DDA1: variants seen among roughly 807,000 people sequenced by gnomAD.
DDA1 encodes DET1 and DDB1 associated 1.
Under a neutral mutation model 18.6 loss-of-function variants are expected in DDA1, and 3 were observed. The observed-to-expected ratio is 0.16, with a 90% confidence interval of 0.07 to 0.42. DDA1 has a LOEUF of 0.42. DDA1 is among the 10% of genes least tolerant of loss of function. DDA1 has a pLI of 0.99. For missense variants in DDA1, 105 were observed against 138.2 expected, an observed-to-expected ratio of 0.76 and a Z score of 1.20; for synonymous variants, 52 against 54.0, an observed-to-expected ratio of 0.96 and a Z score of 0.17.
chr19:17,314,133 A>G lies in DDA1; in HGVS notation c.84+30A>G. On this transcript the variant is annotated intron_variant, in intron 2 of 4. Coordinates refer to ENST00000359866, the MANE Select transcript of DDA1 (RefSeq NM_024050.6). This position sits in a 1 kb window ranked among gnomAD's most constrained non-coding sequence, Gnocchi z 4.6. ...GTGCGTGTTCCTGGGACTGGGAGGAATTGGTCACTTCCAGGGGGCCTGGGG... is the reference window on the plus strand; with the variant it reads ...GTGCGTGTTCCTGGGACTGGGAGGAGTTGGTCACTTCCAGGGGGCCTGGGG... 1 of 1,611,300 alleles carries G rather than the reference A, an allele frequency of 6.2e-7. No homozygotes were observed. The highest frequency in any genetic ancestry group is 8.5e-7 in the Non-Finnish European group (1 of 1,177,708).
At chr19:17,315,428 GCA>G (rs763769994) in intron 3 of DDA1, among the ~76,000 whole-genome samples, 29,162 of 69,154 alleles carry the variant, frequency 0.42, 5,537 homozygotes, top group Non-Finnish European at 0.47. Context: ...GTGTGTGTGT[GCA>G]TATATATATA....
chr19:17,322,559 C>G lies in DDA1; in HGVS notation c.*2903C>G, dbSNP rs2145680923. 6.6e-6 allele frequency: 1 copy of G among 152,476 alleles called. No individual in the cohort carries two copies. The highest frequency in any genetic ancestry group is 2.1e-4 in the South Asian group (1 of 4,844). The allele number at this position is 152,476 out of a possible 1,614,324, so 9.4% of individuals were successfully genotyped here. A position where few individuals can be genotyped will look rare whatever the true frequency, so the allele number is the denominator to read the frequency against. Reference sequence around the variant, plus strand: ...AGCCCTGCAGCATGGCCATGTTGGTCTCTGAGCCTTAAGCCTTTGGATGTG... The same window carrying G: ...AGCCCTGCAGCATGGCCATGTTGGTGTCTGAGCCTTAAGCCTTTGGATGTG... On this transcript the variant is annotated 3_prime_UTR_variant, in exon 5 of 5. Coordinates refer to ENST00000359866, the MANE Select transcript of DDA1 (RefSeq NM_024050.6).
chr19:17,315,491 G>A (rs1358546460), intron 3 of DDA1, among the ~76,000 whole-genome samples: 2 of 143,690 alleles, frequency 1.4e-5, no homozygotes, highest in Non-Finnish European at 3.0e-5. Flanking sequence ...ATAGTCCCAG[G>A]TGGGAAAATC....
chr19:17,311,876 C>T (rs1019471990), intron 1 of DDA1, among the ~76,000 whole-genome samples: 2 of 152,180 alleles, frequency 1.3e-5, no homozygotes, highest in Admixed American at 6.5e-5. Flanking sequence ...CCAGCCGTGG[C>T]TGGCATTTGT....
chr19:17,312,246 G>A (rs745403420), intron 1 of DDA1, among the ~76,000 whole-genome samples: 30 of 152,166 alleles, frequency 2.0e-4, no homozygotes, highest in African/African-American at 6.8e-4. Context: ...GTGTGAGCCC[G>A]GCCAGGGTTC....
chr19:17,315,424 G>GCATATATATATA (rs1265232607), intron 3 of DDA1, among the ~76,000 whole-genome samples: 4 of 56,846 alleles, frequency 7.0e-5, no homozygotes, highest in African/African-American at 5.7e-4. Flanking sequence ...GTGTGTGTGT[G>GCATATATATATA]TGTGCATATA....
Position 17,321,277 on chromosome 19 carries a change from G to T in DDA1, c.*1621G>T, listed in dbSNP as rs908316144. Reference sequence around the variant, plus strand: ...CTCCTGAGTAGCTGGGATTACACGCGTGCGCCCCTACACCCAGCTAATTTT... The same window carrying T: ...CTCCTGAGTAGCTGGGATTACACGCTTGCGCCCCTACACCCAGCTAATTTT... On this transcript the variant is annotated 3_prime_UTR_variant, in exon 5 of 5. Transcript: ENST00000359866. 2 of 152,094 alleles carry T rather than the reference G, an allele frequency of 1.3e-5. No homozygotes were observed. Among genetic ancestry groups the T allele is most frequent in the Non-Finnish European group, 2.9e-5 (2 of 68,064 alleles). 9.4% of individuals were successfully genotyped at this position (152,094 alleles called of 1,614,324 possible).
At chr19:17,313,897 G>A (rs1454050168) in intron 1 of DDA1, 126 bp from the exon 2 acceptor site, 2 of 749,180 alleles carry the variant, frequency 2.7e-6, no homozygotes, top group East Asian at 2.5e-5. Context: ...GCTCAAGGGT[G>A]TGTTCTGGAA....
At position 17,314,432 on chromosome 19, in the gene DDA1, G is replaced by A. The variant is rs766570513; in HGVS notation, c.136+43G>A. The A allele has an allele frequency of 6.2e-6, 10 of 1,613,686 alleles. No homozygotes were observed. Among genetic ancestry groups the A allele is most frequent in the Non-Finnish European group, 8.5e-6 (10 of 1,179,588 alleles). On this transcript the variant is annotated intron_variant, in intron 3 of 4. Coordinates refer to ENST00000359866, the MANE Select transcript of DDA1 (RefSeq NM_024050.6). This position sits in a 1 kb window ranked among gnomAD's most constrained non-coding sequence, Gnocchi z 4.6. ...GTCTGTCCCATTCTGGCTGCTGAGG[G>A]GCGGGGTTTGGTGACTGCAGCGTGG...
At chr19:17,311,066 G>C (rs1318836988) in intron 1 of DDA1, among the ~76,000 whole-genome samples, 1 of 152,146 alleles carries the variant, frequency 6.6e-6, no homozygotes, top group African/African-American at 2.4e-5. Context: ...ATGTTGCCCA[G>C]GCTGGTCTCA....
chr19:17,318,961 A>C (rs1228353829), intron 4 of DDA1, among the ~76,000 whole-genome samples: 1 of 150,302 alleles, frequency 6.7e-6, no homozygotes, highest in Non-Finnish European at 1.5e-5. Flanking sequence ...GCCCACCCCC[A>C]CCCCTTCTCC....
intron 1 of DDA1, among the ~76,000 whole-genome samples, chr19:17,310,631 A>G (rs1226605655): frequency 6.6e-6 from 1 of 152,162 alleles, no homozygotes; most frequent in African/African-American, 2.4e-5. Context: ...CCCAGCCCAC[A>G]ATCCACAGTC....
intron 1 of DDA1, 40 bp downstream of exon 1, chr19:17,309,697 A>G (rs1474967022): frequency 1.2e-6 from 2 of 1,606,490 alleles, no homozygotes; most frequent in Admixed American, 3.4e-5. Context: ...CCTCTGCTAG[A>G]CAAAATGGCG....
At position 17,319,596 on chromosome 19, in the gene DDA1, C is replaced by T; in HGVS notation, c.249C>T (p.Ser83=). ...AGCAAGTGGAGCTGGAAGGCGAGAG[C>T]TCCGCACCTCCCCGCAAGGTGGCGC... is the stretch of plus-strand genomic sequence containing the variant. The part of the protein sequence containing the change: ...DQEQVELEGE[S]SAPPRKVART... Residue 83 remains serine, a synonymous_variant, in exon 5 of 5, where the codon AGC becomes AGT. Transcript: ENST00000359866. 6.3e-7 allele frequency: 1 copy of T among 1,580,334 alleles called. No homozygotes were observed. Among genetic ancestry groups the T allele is most frequent in the Non-Finnish European group, 8.6e-7 (1 of 1,163,230 alleles).
At chr19:17,313,958 C>A in intron 1 of DDA1, 65 bp from the exon 2 acceptor site, 1 of 1,298,322 alleles carries the variant, frequency 7.7e-7, no homozygotes, top group Non-Finnish European at 1.1e-6. Context: ...AGTCACCCTG[C>A]AGGTGCTCCA....
intron 1 of DDA1, among the ~76,000 whole-genome samples, chr19:17,313,304 G>A (rs997692897): frequency 3.9e-5 from 6 of 152,002 alleles, no homozygotes; most frequent in African/African-American, 1.5e-4. Context: ...TGCCCCATTG[G>A]GTCAGGAGAT....
In DDA1 at chr19:17,315,214, T is replaced by TGTATAC. The variant is rs2074201183; in HGVS notation, c.137-720_137-719insGTATAC. Among the ~76,000 whole-genome samples the TGTATAC allele has an allele frequency of 8.0e-5, 2 of 24,954 alleles. 1 individual carries two copies. Among genetic ancestry groups the TGTATAC allele is most frequent in the Non-Finnish European group, 2.4e-4 (2 of 8,368 alleles). 16.4% of individuals were successfully genotyped at this position (24,954 alleles called of 152,430 possible). A position where few individuals can be genotyped will look rare whatever the true frequency, so the allele number is the denominator to read the frequency against. ...ACACACGTGTATACACACGTGTATA[T>TGTATAC]ACACACACGTGTATACACACACACG... On this transcript the variant is annotated intron_variant, in intron 3 of 4. Transcript: ENST00000359866.
rs748548789 is a variant in DDA1, at chr19:17,315,919, A to G, written c.137-15A>G. On this transcript the variant is annotated splice_polypyrimidine_tract_variant and intron_variant, in intron 3 of 4. Coordinates refer to ENST00000359866, the MANE Select transcript of DDA1 (RefSeq NM_024050.6). ...AGGGGAGGCGTCTGCGACTTTCTCT[A>G]TCTTTCCTCCTTAGTCATCGTGACA... 5 of 1,613,978 alleles carry G rather than the reference A, an allele frequency of 3.1e-6. No homozygotes were observed. Among genetic ancestry groups the G allele is most frequent in the Non-Finnish European group, 3.4e-6 (4 of 1,179,924 alleles).
intron 4 of DDA1, among the ~76,000 whole-genome samples, chr19:17,318,077 C>T (rs1231176324): frequency 1.3e-5 from 2 of 151,676 alleles, no homozygotes; most frequent in Non-Finnish European, 2.9e-5. Flanking sequence ...AGGCTGGAGT[C>T]GCCCAGGCTG....
Sources: allele counts gnomAD v4.1 joint callset (sites outside exome capture counted in the v4.1 genomes callset), GRCh38; gene constraint gnomAD v4.1.1; non-coding constraint Gnocchi (gnomAD v3.1); transcripts MANE v1.5; gene names NCBI Gene and HGNC (gene_info 2026-07-23, HGNC 2026-07-21).